LUZP2: variants seen among roughly 807,000 people sequenced by gnomAD.
LUZP2 encodes the protein leucine zipper protein 2.
LUZP2 carries 52 observed loss-of-function variants against 51.6 expected under a neutral mutation model. That is an observed-to-expected ratio of 1.01 (90% CI 0.81 to 1.27). The LOEUF (loss-of-function observed/expected upper bound fraction) is 1.27, where lower values mean the gene tolerates loss of function less well. Among genes scored for constraint, LUZP2 ranks in the 50% most tolerant of loss-of-function variants. LUZP2 has a pLI of 0.00. For synonymous variants in LUZP2, 154 were observed against 137.3 expected (o/e 1.12, Z -0.85); for missense variants, 436 against 395.4 (o/e 1.10, Z -0.87).
At chr11:24,787,070 C>T (rs981609380) in intron 5 of LUZP2, among the ~76,000 whole-genome samples, 3 of 152,168 alleles carry the variant, frequency 2.0e-5, no homozygotes, top group African/African-American at 7.2e-5. Context: ...TCTCTGTTCC[C>T]TGCTCCTTGA....
intron 1 of LUZP2, among the ~76,000 whole-genome samples, chr11:24,608,320 G>A (rs932110550): frequency 6.6e-6 from 1 of 152,130 alleles, no homozygotes; most frequent in South Asian, 2.1e-4. Context: ...GACACAGAAG[G>A]TCATCAGACA....
At chr11:24,957,791 A>T (rs1855253008) in intron 7 of LUZP2, among the ~76,000 whole-genome samples, 1 of 152,120 alleles carries the variant, frequency 6.6e-6, no homozygotes, top group African/African-American at 2.4e-5. Flanking sequence ...TTTAGGGTAC[A>T]TGTGCACAAT....
chr11:24,779,946 G>A lies in LUZP2; in HGVS notation c.396+16638G>A, dbSNP rs975823000. On this transcript the variant is annotated intron_variant, in intron 5 of 11. Coordinates refer to ENST00000336930, the MANE Select transcript of LUZP2 (RefSeq NM_001009909.4). ...GGCTGAAATCCAAGGAATTACAACA[G>A]CCATGAGAAAGTGGAAGAGGCAAGG... 3.9e-5 allele frequency among the ~76,000 whole-genome samples: 6 copies of A among 152,242 alleles called. No individual in the cohort carries two copies. The East Asian group carries it at 1.2e-3, about 29-fold the overall frequency.
chr11:24,581,685 A>ATATAAG (rs1852861672), intron 1 of LUZP2, among the ~76,000 whole-genome samples: 1 of 34,954 alleles, frequency 2.9e-5, no homozygotes, highest in African/African-American at 7.2e-5. Context: ...ATAAATATAA[A>ATATAAG]TATAAATATA....
intron 1 of LUZP2, among the ~76,000 whole-genome samples, chr11:24,692,261 C>T (rs1857096473): frequency 1.3e-5 from 2 of 151,826 alleles, no homozygotes; most frequent in African/African-American, 4.8e-5. Context: ...CCAAATGGCC[C>T]CAACTCATCC....
intron 1 of LUZP2, among the ~76,000 whole-genome samples, chr11:24,508,718 G>A (rs1052344211): frequency 3.3e-5 from 5 of 152,060 alleles, no homozygotes; most frequent in African/African-American, 9.7e-5. Context: ...TATAACAGTA[G>A]CTAAAGGTTA....
intron 10 of LUZP2, among the ~76,000 whole-genome samples, chr11:25,071,309 C>T (rs7122376): frequency 0.9 from 136,361 of 151,712 alleles, 62,273 homozygotes; most frequent in Non-Finnish European, 0.98. Flanking sequence ...GACGAGTTAA[C>T]GGGTGCAGCA....
intron 7 of LUZP2, among the ~76,000 whole-genome samples, chr11:24,932,721 T>C (rs972804648): frequency 1.3e-5 from 2 of 152,170 alleles, no homozygotes; most frequent in Non-Finnish European, 2.9e-5. Flanking sequence ...CCCAGGCTAC[T>C]GGCCTCCCCA....
At chr11:24,638,206 G>A (rs1002927538) in intron 1 of LUZP2, among the ~76,000 whole-genome samples, 1 of 151,672 alleles carries the variant, frequency 6.6e-6, no homozygotes, top group Admixed American at 6.6e-5. Flanking sequence ...AATATGTAAT[G>A]TATTAACTTC....
At chr11:25,052,159 T>C (rs1209962764) in intron 10 of LUZP2, among the ~76,000 whole-genome samples, 2 of 152,178 alleles carry the variant, frequency 1.3e-5, no homozygotes, top group Non-Finnish European at 2.9e-5. Flanking sequence ...TTTTAGTACA[T>C]AGAGTGCTCA....
intron 7 of LUZP2, among the ~76,000 whole-genome samples, chr11:24,970,820 T>TA (rs1477718327): frequency 6.6e-6 from 1 of 152,140 alleles, no homozygotes; most frequent in East Asian, 1.9e-4. Flanking sequence ...GCACTACACT[T>TA]AGAGTGAGCC....
intron 6 of LUZP2, among the ~76,000 whole-genome samples, chr11:24,907,572 G>A (rs989475275): frequency 6.6e-6 from 1 of 152,114 alleles, no homozygotes; most frequent in Non-Finnish European, 1.5e-5. Flanking sequence ...TAGTATAAAT[G>A]TGGTTTGTGC....
At chr11:24,498,724 T>C (rs1319112223) in intron 1 of LUZP2, among the ~76,000 whole-genome samples, 1 of 152,218 alleles carries the variant, frequency 6.6e-6, no homozygotes, top group Non-Finnish European at 1.5e-5. Flanking sequence ...AAATTATGCA[T>C]CACAGTTATT....
At chr11:24,844,816 C>T (rs572121671) in intron 5 of LUZP2, among the ~76,000 whole-genome samples, 1 of 152,322 alleles carries the variant, frequency 6.6e-6, no homozygotes, top group Admixed American at 6.5e-5. Context: ...GTCTTGGCAG[C>T]TTCCATGTGG....
intron 1 of LUZP2, among the ~76,000 whole-genome samples, chr11:24,514,394 G>C (rs1414937463): frequency 6.6e-6 from 1 of 152,196 alleles, no homozygotes; most frequent in African/African-American, 2.4e-5. Context: ...CAGTGATCCT[G>C]AACAAATAAA....
chr11:24,531,061 T>C (rs1391577594), intron 1 of LUZP2, among the ~76,000 whole-genome samples: 1 of 146,172 alleles, frequency 6.8e-6, no homozygotes, highest in Non-Finnish European at 1.5e-5. Flanking sequence ...ATTATTATTA[T>C]TATTTTGCCA....
In LUZP2 at chr11:24,984,336, A is replaced by G. The variant is rs1044742127; in HGVS notation, c.765+1043A>G. Among the ~76,000 whole-genome samples the G allele has an allele frequency of 3.3e-5, 5 of 151,382 alleles. 1 individual carries two copies. In the East Asian group the frequency reaches 9.8e-4, roughly 30 times the overall value. On this transcript the variant is annotated intron_variant, in intron 9 of 11. Transcript: ENST00000336930. ...CTATTTTCAGGATGGAGAGTCATAA[A>G]TAATAGAATGAAGTAAATCTTCTGA...
chr11:24,552,636 A>G (rs950254561), intron 1 of LUZP2, among the ~76,000 whole-genome samples: 2 of 152,024 alleles, frequency 1.3e-5, no homozygotes, highest in Admixed American at 1.3e-4. Context: ...TCAGCTGGGT[A>G]TAAGAGCAAT....
intron 4 of LUZP2, among the ~76,000 whole-genome samples, chr11:24,749,890 C>T (rs941809713): frequency 8.5e-5 from 13 of 152,112 alleles, no homozygotes; most frequent in Non-Finnish European, 1.8e-4. Context: ...CCGACTGAGC[C>T]GCTACTGCTT....
Sources: allele counts gnomAD v4.1 joint callset (sites outside exome capture counted in the v4.1 genomes callset), GRCh38; gene constraint gnomAD v4.1.1; transcripts MANE v1.5; gene names NCBI Gene and HGNC (gene_info 2026-07-23, HGNC 2026-07-21).